Variants in AKAP13 observed in about 807,000 individuals in gnomAD.
The protein encoded by AKAP13 is A-kinase anchor protein 13.
AKAP13 carries 80 observed loss-of-function variants against 264.5 expected under a neutral mutation model. The ratio of observed to expected loss-of-function variants is 0.30; its 90% CI spans 0.25 to 0.36. AKAP13 has a LOEUF of 0.36. Among genes scored for constraint, AKAP13 ranks in the 10% least tolerant of loss-of-function variants. The pLI, the probability that AKAP13 is intolerant of heterozygous loss-of-function variation, is 1.00. For missense variants in AKAP13, 3,712 were observed against 3,435.2 expected, an observed-to-expected ratio of 1.08 and a Z score of -2.01; for synonymous variants, 1,380 against 1,250.2, an observed-to-expected ratio of 1.10 and a Z score of -2.19.
At chr15:85,683,962 G>C (rs1490525749) in intron 15 of AKAP13, among the ~76,000 whole-genome samples, 1 of 152,084 alleles carries the variant, frequency 6.6e-6, no homozygotes. Flanking sequence ...TCCTAAAATT[G>C]AACCTAGCTG....
chr15:85,577,743 T>G, intron 6 of AKAP13: 1 of 889,386 alleles, frequency 1.1e-6, no homozygotes, highest in Non-Finnish European at 1.3e-6. Context: ...ATATTTAATA[T>G]GTTCTGATTT....
At chr15:85,434,592 C>G (rs1231291685) in intron 1 of AKAP13, among the ~76,000 whole-genome samples, 1 of 151,802 alleles carries the variant, frequency 6.6e-6, no homozygotes. Context: ...TTGAAGAGAG[C>G]AGTGGTTCTC....
intron 16 of AKAP13, among the ~76,000 whole-genome samples, chr15:85,687,664 CT>C (rs1449649155): frequency 1.4e-5 from 2 of 146,190 alleles, no homozygotes; most frequent in East Asian, 4.1e-4. Context: ...TGTAAGTCAC[CT>C]TTTATAGTGA....
At chr15:85,677,521 A>G (rs1468824286) in intron 14 of AKAP13, among the ~76,000 whole-genome samples, 1 of 152,174 alleles carries the variant, frequency 6.6e-6, no homozygotes, top group Non-Finnish European at 1.5e-5. Context: ...TGTGGTGTTT[A>G]AAAGCTATTG....
At chr15:85,723,721 A>G (rs962504021) in intron 26 of AKAP13, among the ~76,000 whole-genome samples, 2 of 152,210 alleles carry the variant, frequency 1.3e-5, no homozygotes, top group African/African-American at 4.8e-5. Context: ...GTTTCACAGA[A>G]TCTGTGAGTT....
intron 1 of AKAP13, among the ~76,000 whole-genome samples, chr15:85,434,652 G>A (rs1300590088): frequency 6.6e-6 from 1 of 152,030 alleles, no homozygotes; most frequent in Admixed American, 6.6e-5. Context: ...TCCTCAAGTG[G>A]GTCCCTGACC....
intron 3 of AKAP13, among the ~76,000 whole-genome samples, chr15:85,524,859 CT>C (rs1327761718): frequency 1.4e-5 from 2 of 142,700 alleles, no homozygotes; most frequent in East Asian, 4.2e-4. Context: ...CTCCTGCCCC[CT>C]CTTTCCCCAT....
At chr15:85,737,878 A>G (rs1007444172) in intron 33 of AKAP13, among the ~76,000 whole-genome samples, 1 of 151,960 alleles carries the variant, frequency 6.6e-6, no homozygotes, top group South Asian at 2.1e-4. Flanking sequence ...ACCTCAGGTG[A>G]TCTGCCTACC....
At position 85,581,428 on chromosome 15, in the gene AKAP13, C is replaced by T. The variant is rs372950044; in HGVS notation, c.3360C>T (p.Val1120=). 1.2e-6 allele frequency: 2 copies of T among 1,614,074 alleles called. No individual in the cohort carries two copies. Among genetic ancestry groups the T allele is most frequent in the Admixed American group, 1.7e-5 (1 of 60,004 alleles). Residue 1120 remains valine, a synonymous_variant, in exon 7 of 37, where the codon GTC becomes GTT. Coordinates refer to ENST00000394518, the MANE Select transcript of AKAP13 (RefSeq NM_007200.5). The part of the protein sequence containing the change: ...HNTQDILIPN[V]LLSQEKNAVL... ...CCCAAGACATCCTGATTCCAAACGT[C>T]TTGTTGAGCCAAGAGAAGAATGCCG... is the stretch of plus-strand genomic sequence containing the variant.
intron 2 of AKAP13, among the ~76,000 whole-genome samples, chr15:85,496,854 G>C (rs1427413242): frequency 1.3e-5 from 2 of 152,194 alleles, no homozygotes; most frequent in Non-Finnish European, 2.9e-5. Flanking sequence ...AGGAAATCAA[G>C]GGTTCCTCCG....
chr15:85,686,189 GCA>G (rs2084911922), intron 16 of AKAP13, among the ~76,000 whole-genome samples: 4 of 42,714 alleles, frequency 9.4e-5, no homozygotes, highest in African/African-American at 5.0e-4. Flanking sequence ...GCACGTGCAT[GCA>G]TGTGTGTGTG....
Position 85,579,512 on chromosome 15 carries a change from A to T in AKAP13, c.1444A>T (p.Met482Leu), listed in dbSNP as rs2079114588. 1.2e-6 allele frequency: 2 copies of T among 1,614,206 alleles called. No individual in the cohort carries two copies. The highest frequency in any genetic ancestry group is 2.7e-5 in the African/African-American group (2 of 75,060). The change falls in exon 7 of 37, where the codon ATG becomes TTG. Residue 482 changes from methionine to leucine, a missense_variant. Physicochemically the swap from Met to Leu is conservative, Grantham distance 15. Transcript: ENST00000394518. The stretch of plus-strand genomic sequence containing the variant: ...CAGTACCCCAGACACTGCAGGGGAA[A>T]TGGAACATGGGCTCATGAACCCAGA... ...NVSTPDTAGE[M>L]EHGLMNPDAT... is the part of the protein sequence containing the mutation.
intron 1 of AKAP13, among the ~76,000 whole-genome samples, chr15:85,471,864 A>G (rs1481208290): frequency 6.6e-6 from 1 of 152,206 alleles, no homozygotes; most frequent in Non-Finnish European, 1.5e-5. Context: ...TGTGTTTTTG[A>G]ATCAGCTTGC....
chr15:85,439,976 A>T (rs1002080362), intron 1 of AKAP13, among the ~76,000 whole-genome samples: 1 of 148,042 alleles, frequency 6.8e-6, no homozygotes. Flanking sequence ...ATAATAAAAA[A>T]TAATAATAAT....
At chr15:85,679,664 TATCAACTGTG>T (rs2084472820) in intron 14 of AKAP13, among the ~76,000 whole-genome samples, 1 of 152,160 alleles carries the variant, frequency 6.6e-6, no homozygotes, top group Non-Finnish European at 1.5e-5. Context: ...CTCTGAAAAA[TATCAACTGTG>T]TCCATCCAGT....
rs1567077572 is a variant in AKAP13 at position 85,477,636 on chromosome 15, G to GAAA, written c.-11-8074_-11-8073insAAA. 2.0e-4 allele frequency among the ~76,000 whole-genome samples: 7 copies of GAAA among 34,304 alleles called. 2 individuals carry two copies. The highest frequency in any genetic ancestry group is 3.6e-4 in the Non-Finnish European group (5 of 13,924). 22.5% of individuals were successfully genotyped at this position (34,304 alleles called of 152,430 possible). Reference sequence around the variant, plus strand: ...GAAATTTGAACTGAGCTTAAAAAAAGGAAAAAAAAAAAAAAAAAAAAAGGC... The same window carrying GAAA: ...GAAATTTGAACTGAGCTTAAAAAAAGAAAGAAAAAAAAAAAAAAAAAAAAAGGC... On this transcript the variant is annotated intron_variant, in intron 1 of 36. Coordinates refer to ENST00000394518, the MANE Select transcript of AKAP13 (RefSeq NM_007200.5).
intron 1 of AKAP13, among the ~76,000 whole-genome samples, chr15:85,472,046 C>G (rs181092679): frequency 6.6e-6 from 1 of 152,062 alleles, no homozygotes; most frequent in Non-Finnish European, 1.5e-5. Context: ...CTTCAGTATA[C>G]AGGCCTTACA....
chr15:85,583,496 T>A (rs1175284361), intron 7 of AKAP13, among the ~76,000 whole-genome samples: 1 of 152,222 alleles, frequency 6.6e-6, no homozygotes, highest in Non-Finnish European at 1.5e-5. Flanking sequence ...GTCTCAGGAT[T>A]TAAATGAGGT....
chr15:85,604,122 A>G lies in AKAP13; in HGVS notation c.4161+18299A>G, dbSNP rs185966600. 2.4e-3 allele frequency among the ~76,000 whole-genome samples: 361 copies of G among 152,340 alleles called. 2 individuals carry two copies. Among genetic ancestry groups the G allele is most frequent in the African/African-American group, 8.3e-3 (343 of 41,572 alleles). On this transcript the variant is annotated intron_variant, in intron 8 of 36. Transcript: ENST00000394518. ...GTTAAGTATTGCTTCAGCGAGCTCT[A>G]CATAAGGGGATACAGTATTTACTTC...
Sources: gnomAD v4.1 joint callset for allele counts (sites outside exome capture counted in the v4.1 genomes callset) on GRCh38, gnomAD v4.1.1 for gene constraint, MANE v1.5 for transcripts, NCBI Gene and HGNC (gene_info 2026-07-23, HGNC 2026-07-21) for gene names.